PLCG2: variants seen among roughly 807,000 people sequenced by gnomAD.
The protein encoded by PLCG2 is 1-phosphatidylinositol 4,5-bisphosphate phosphodiesterase gamma-2.
A neutral mutation model predicts 175.6 loss-of-function variants in PLCG2; 69 were observed. The observed-to-expected ratio is 0.39, with a 90% CI of 0.32 to 0.48. The LOEUF is 0.48. Among genes scored for constraint, PLCG2 ranks in the 20% least tolerant of loss-of-function variants. The probability of loss-of-function intolerance (pLI) is 0.91; values close to 1 mark genes in which losing one functional copy is unlikely to be tolerated. For synonymous variants in PLCG2, 827 were observed against 624.0 expected (o/e 1.33, Z -4.85); for missense variants, 1,798 against 1,650.9 (o/e 1.09, Z -1.54).
At chr16:81,853,003 G>T (rs1383220418) in intron 2 of PLCG2, among the ~76,000 whole-genome samples, 1 of 152,146 alleles carries the variant, frequency 6.6e-6, no homozygotes, top group Non-Finnish European at 1.5e-5. Context: ...GCTTCCCCCA[G>T]AGCACAAAAT....
intron 1 of PLCG2, among the ~76,000 whole-genome samples, chr16:81,744,522 A>T (rs1483986310): frequency 1.3e-5 from 2 of 152,150 alleles, no homozygotes; most frequent in Non-Finnish European, 2.9e-5. Context: ...ACTTGTAACC[A>T]AAAAAATTCC....
rs117874225 is a variant in PLCG2, at chr16:81,796,650, A to T, written c.193+10468A>T. 9.5e-3 allele frequency among the ~76,000 whole-genome samples: 1,450 copies of T among 152,324 alleles called. 12 individuals are homozygous for T. Among genetic ancestry groups the T allele is most frequent in the Non-Finnish European group, 0.016 (1,071 of 68,026 alleles). ...TTGAGATGAAATCATAATGGAATAG[A>T]GTGGGCCCTAATCCAATATGACTGG... On this transcript the variant is annotated intron_variant, in intron 2 of 32. Transcript: ENST00000564138.
intron 2 of PLCG2, among the ~76,000 whole-genome samples, chr16:81,847,478 C>T (rs1906186133): frequency 6.6e-6 from 1 of 151,970 alleles, no homozygotes; most frequent in South Asian, 2.1e-4. Context: ...TCGTTGGTTC[C>T]CCTGGCAGCC....
intron 2 of PLCG2, among the ~76,000 whole-genome samples, chr16:81,763,366 G>A (rs1910079400): frequency 6.6e-6 from 1 of 152,248 alleles, no homozygotes; most frequent in African/African-American, 2.4e-5. Context: ...TGTGGGTCGG[G>A]TATTTGGGAG....
intron 2 of PLCG2, among the ~76,000 whole-genome samples, chr16:81,831,366 C>T (rs139133108): frequency 6.6e-6 from 1 of 152,304 alleles, no homozygotes; most frequent in East Asian, 1.9e-4. Flanking sequence ...TGACCATCAT[C>T]GTGAGAATCT....
At chr16:81,907,492 C>G (rs1036985416) in intron 15 of PLCG2, among the ~76,000 whole-genome samples, 193 bp from the exon 16 acceptor site, 1 of 152,154 alleles carries the variant, frequency 6.6e-6, no homozygotes, top group Non-Finnish European at 1.5e-5. Flanking sequence ...AAAAGAAGCT[C>G]AAAATGCATC....
rs753778400 is a variant in PLCG2, at chr16:81,936,262, A to T, written c.2936A>T (p.Gln979Leu). The T allele has an allele frequency of 6.2e-7, 1 of 1,614,186 alleles. No individual in the cohort carries two copies. The highest frequency in any genetic ancestry group is 8.5e-7 in the Non-Finnish European group (1 of 1,180,028). ...QKPVDLLKYNQKGLTRVYPKG... is the reference protein window; with the variant it reads ...QKPVDLLKYNLKGLTRVYPKG... Reference sequence around the variant, plus strand: ...CCCGTCGACCTCCTGAAGTACAATCAAAAGGGCCTGACCCGCGTCTACCCA... The same window carrying T: ...CCCGTCGACCTCCTGAAGTACAATCTAAAGGGCCTGACCCGCGTCTACCCA... The change falls in exon 27 of 33, where the codon CAA becomes CTA. Residue 979 changes from glutamine (Q) to leucine (L), a missense_variant. Physicochemically the swap from Gln to Leu is moderately radical, Grantham distance 113. Transcript: ENST00000564138.
At chr16:81,864,797 G>C (rs965757950) in intron 5 of PLCG2, among the ~76,000 whole-genome samples, 2 of 152,174 alleles carry the variant, frequency 1.3e-5, no homozygotes, top group African/African-American at 2.4e-5. Context: ...TGGCTGCCTG[G>C]GTGCGGGAGT....
At chr16:81,920,075 C>G (rs554646625) in intron 20 of PLCG2, among the ~76,000 whole-genome samples, 4 of 152,272 alleles carry the variant, frequency 2.6e-5, no homozygotes, top group African/African-American at 7.2e-5. Flanking sequence ...TAGAAGCCTG[C>G]CTGGAGGCAC....
intron 1 of PLCG2, among the ~76,000 whole-genome samples, chr16:81,743,650 G>T (rs1909644024): frequency 6.6e-6 from 1 of 152,196 alleles, no homozygotes; most frequent in Non-Finnish European, 1.5e-5. Context: ...CCTCTCTCTT[G>T]TGGATGTGAA....
intron 1 of PLCG2, chr16:81,785,710 G>C (rs1028840336): frequency 6.6e-6 from 2 of 301,728 alleles, no homozygotes; most frequent in Non-Finnish European, 1.2e-5. Context: ...CAAAGCCCAC[G>C]TAACGGTTGG....
At chr16:81,828,355 C>T (rs11647099) in intron 2 of PLCG2, among the ~76,000 whole-genome samples, 49,366 of 147,284 alleles carry the variant, frequency 0.34, 8,793 homozygotes, top group African/African-American at 0.49. Flanking sequence ...ACGCCATTCT[C>T]CTGCCTCAGC....
rs769795617 is a variant in PLCG2 at position 81,910,686 on chromosome 16, C to T, written c.1900C>T (p.Pro634Ser). Residue 634 changes from proline (P) to serine (S), a missense_variant, in exon 18 of 33, where the codon CCT becomes TCT. By Grantham distance (74) the Pro-to-Ser change is moderately conservative. Coordinates refer to ENST00000564138, the MANE Select transcript of PLCG2 (RefSeq NM_002661.5). ...CGAGTTCGAGCTGCGGCTCACGGAC[C>T]CTGTGCCCAACCCCAACCCCCACGA... Reference protein sequence around the residue: ...CAEFELRLTDPVPNPNPHESK... With the variant: ...CAEFELRLTDSVPNPNPHESK... 2 of 1,612,176 alleles carry T rather than the reference C, an allele frequency of 1.2e-6. No homozygotes were observed. The highest frequency in any genetic ancestry group is 1.7e-5 in the Admixed American group (1 of 60,030).
At chr16:81,794,516 T>G (rs1219966492) in intron 2 of PLCG2, among the ~76,000 whole-genome samples, 1 of 152,152 alleles carries the variant, frequency 6.6e-6, no homozygotes, top group African/African-American at 2.4e-5. Flanking sequence ...TATGCGGTGA[T>G]GGTATAAAGA....
intron 7 of PLCG2, among the ~76,000 whole-genome samples, chr16:81,880,395 T>C (rs12927930): frequency 0.83 from 126,809 of 152,190 alleles, 53,006 homozygotes; most frequent in East Asian, 1. Flanking sequence ...GACTCTACTC[T>C]GTAGAAAAAC....
chr16:81,844,330 T>C (rs747280240), intron 2 of PLCG2, among the ~76,000 whole-genome samples: 1 of 151,634 alleles, frequency 6.6e-6, no homozygotes, highest in South Asian at 2.1e-4. Flanking sequence ...TTCTTTCTTC[T>C]TTCGGATGGA....
intron 24 of PLCG2, among the ~76,000 whole-genome samples, chr16:81,929,338 G>GAACT (rs2143707461): frequency 6.6e-6 from 1 of 152,362 alleles, no homozygotes; most frequent in East Asian, 1.9e-4. Context: ...TCAGGTGACA[G>GAACT]CAGCCCCAGG....
intron 24 of PLCG2, among the ~76,000 whole-genome samples, chr16:81,929,441 G>T (rs906387391): frequency 6.6e-6 from 1 of 152,158 alleles, no homozygotes; most frequent in Admixed American, 6.5e-5. Flanking sequence ...TGTCACCCAG[G>T]CTGGAGTGCA....
chr16:81,811,945 G>T (rs561395041), intron 2 of PLCG2, among the ~76,000 whole-genome samples: 2 of 151,684 alleles, frequency 1.3e-5, no homozygotes, highest in Non-Finnish European at 2.9e-5. Context: ...GAATTGCAAC[G>T]CTGTCTTCCA....
Sources: allele counts gnomAD v4.1 joint callset (sites outside exome capture counted in the v4.1 genomes callset), GRCh38; gene constraint gnomAD v4.1.1; transcripts MANE v1.5; gene names NCBI Gene and HGNC (gene_info 2026-07-23, HGNC 2026-07-21).